Variants in CCSER1 observed in about 807,000 individuals in gnomAD.
The protein encoded by CCSER1 is coiled-coil serine rich protein 1, also known as serine-rich coiled-coil domain-containing protein 1.
Under a neutral mutation model 82.0 loss-of-function variants are expected in CCSER1, and 41 were observed. The ratio of observed to expected loss-of-function variants is 0.50; its 90% CI spans 0.39 to 0.65. The LOEUF (loss-of-function observed/expected upper bound fraction) is 0.65. CCSER1 is among the 30% of genes least tolerant of loss of function. The pLI is 0.00. For missense variants in CCSER1, 1,119 were observed against 1,064.2 expected (o/e 1.05, Z -0.72); for synonymous variants, 414 against 383.9 (o/e 1.08, Z -0.92).
intron 1 of CCSER1, among the ~76,000 whole-genome samples, chr4:90,192,840 A>G (rs1012456770): frequency 6.6e-6 from 1 of 152,074 alleles, no homozygotes; most frequent in African/African-American, 2.4e-5. Context: ...ACAATTTAAT[A>G]AAGTATGCCA....
intron 7 of CCSER1, chr4:90,727,445 A>T: frequency 2.8e-6 from 1 of 362,756 alleles, no homozygotes. Context: ...AACAAAATTG[A>T]TGTTGTTAAT....
chr4:91,151,584 C>T (rs2148954201), intron 10 of CCSER1, among the ~76,000 whole-genome samples: 1 of 152,296 alleles, frequency 6.6e-6, no homozygotes, highest in Non-Finnish European at 1.5e-5. Context: ...AATTTTAGAT[C>T]TTCCCTGCTT....
intron 1 of CCSER1, among the ~76,000 whole-genome samples, chr4:90,265,864 C>T (rs1487018764): frequency 1.3e-5 from 2 of 152,070 alleles, no homozygotes; most frequent in Non-Finnish European, 1.5e-5. Context: ...CATCCTGAGA[C>T]TCTGCTTAAA....
chr4:91,121,631 A>G (rs752283336), intron 10 of CCSER1, among the ~76,000 whole-genome samples: 1 of 151,688 alleles, frequency 6.6e-6, no homozygotes, highest in Non-Finnish European at 1.5e-5. Context: ...TTAACTTAGT[A>G]TCTAATCATA....
intron 10 of CCSER1, among the ~76,000 whole-genome samples, chr4:91,451,926 A>G (rs1057158979): frequency 3.9e-5 from 6 of 152,002 alleles, no homozygotes; most frequent in African/African-American, 1.2e-4. Context: ...AGCTGGTCCA[A>G]TGTGATCCAA....
chr4:91,130,639 G>T (rs1273836049), intron 10 of CCSER1, among the ~76,000 whole-genome samples: 1 of 151,702 alleles, frequency 6.6e-6, no homozygotes, highest in Non-Finnish European at 1.5e-5. Flanking sequence ...TATATTTGAT[G>T]ATCTCAATTA....
At position 91,170,044 on chromosome 4, in the gene CCSER1, T is replaced by A. The variant is rs569370810; in HGVS notation, c.2217+84050T>A. Among the ~76,000 whole-genome samples, 6 of 152,322 alleles carry A rather than the reference T, an allele frequency of 3.9e-5. No individual in the cohort carries two copies. The East Asian group carries it at 1.2e-3, about 29-fold the overall frequency. ...TGACCTGTGTCCTTTTTGACTTTCATATATCCATCTGCTTCTGTAGGAAGC... is the reference window on the plus strand; with the variant it reads ...TGACCTGTGTCCTTTTTGACTTTCAAATATCCATCTGCTTCTGTAGGAAGC... On this transcript the variant is annotated intron_variant, in intron 10 of 10. Transcript: ENST00000509176.
intron 9 of CCSER1, among the ~76,000 whole-genome samples, chr4:90,959,017 T>C (rs1311499904): frequency 1.3e-5 from 2 of 152,212 alleles, no homozygotes; most frequent in African/African-American, 2.4e-5. Context: ...AGGTTACCAG[T>C]AACACGTTAA....
At chr4:90,767,854 T>C (rs958494015) in intron 7 of CCSER1, among the ~76,000 whole-genome samples, 2 of 151,966 alleles carry the variant, frequency 1.3e-5, no homozygotes, top group Non-Finnish European at 2.9e-5. Context: ...TTTTTTGCCA[T>C]GTTGCCCAGG....
At position 91,603,769 on chromosome 4, in the gene CCSER1, G is replaced by A. The variant is rs1001463664; in HGVS notation, c.*4712G>A. ...GGGTGACTAAACAACAGTCACTTGTGTCTCAAGTTCTGGAGGCTAGGAAGT... is the reference window on the plus strand; with the variant it reads ...GGGTGACTAAACAACAGTCACTTGTATCTCAAGTTCTGGAGGCTAGGAAGT... On this transcript the variant is annotated 3_prime_UTR_variant, in exon 11 of 11. Coordinates refer to ENST00000509176, the MANE Select transcript of CCSER1 (RefSeq NM_001145065.2). 3.9e-5 allele frequency: 6 copies of A among 152,038 alleles called. No individual in the cohort carries two copies. The highest frequency in any genetic ancestry group is 1.2e-4 in the African/African-American group (5 of 41,420). The allele number at this position is 152,038 out of a possible 1,614,324, so 9.4% of individuals were successfully genotyped here. A position where few individuals can be genotyped will look rare whatever the true frequency, so the allele number is the denominator to read the frequency against.
intron 1 of CCSER1, among the ~76,000 whole-genome samples, chr4:90,221,850 A>G (rs1035600931): frequency 6.6e-6 from 1 of 152,166 alleles, no homozygotes; most frequent in African/African-American, 2.4e-5. Flanking sequence ...TGTTTTGCCT[A>G]CATTACATAT....
intron 10 of CCSER1, among the ~76,000 whole-genome samples, chr4:91,309,913 T>A (rs1197284369): frequency 6.6e-6 from 1 of 151,932 alleles, no homozygotes; most frequent in Non-Finnish European, 1.5e-5. Flanking sequence ...CTCAGATTTC[T>A]GAAGGCTAGA....
chr4:90,825,779 G>A (rs1760354219), intron 8 of CCSER1, among the ~76,000 whole-genome samples: 1 of 149,310 alleles, frequency 6.7e-6, no homozygotes, highest in South Asian at 2.1e-4. Flanking sequence ...CACCAGACTG[G>A]AGTGTAGGGG....
intron 5 of CCSER1, among the ~76,000 whole-genome samples, chr4:90,566,123 G>A (rs939201558): frequency 6.6e-6 from 1 of 151,354 alleles, no homozygotes; most frequent in Non-Finnish European, 1.5e-5. Flanking sequence ...CTCCCAAAGT[G>A]CTGGGATTAC....
intron 1 of CCSER1, among the ~76,000 whole-genome samples, chr4:90,271,862 ATTTTTTTTTTTTTTTTTT>A (rs1176154331): frequency 3.2e-4 from 7 of 21,746 alleles, no homozygotes; most frequent in African/African-American, 1.5e-3. Flanking sequence ...ATATATATAT[ATTTTTTTTTTTTTTTTTT>A]TTTTTTTTTT....
chr4:90,553,690 G>A (rs1029420512), intron 5 of CCSER1, among the ~76,000 whole-genome samples: 3 of 152,014 alleles, frequency 2.0e-5, no homozygotes, highest in African/African-American at 7.2e-5. Flanking sequence ...ATTTTACTTT[G>A]TTATCTCAAT....
intron 3 of CCSER1, among the ~76,000 whole-genome samples, chr4:90,398,536 C>G (rs1012108024): frequency 5.9e-5 from 9 of 152,116 alleles, no homozygotes; most frequent in African/African-American, 1.4e-4. Context: ...CTTTAAAAAG[C>G]TTTTCCTTTT....
At chr4:90,419,660 A>G (rs12645541) in intron 4 of CCSER1, among the ~76,000 whole-genome samples, 16,351 of 151,902 alleles carry the variant, frequency 0.11, 1,265 homozygotes, top group East Asian at 0.36. Flanking sequence ...AGCAGCAGGG[A>G]ATGAAGTATT....
chr4:90,896,572 T>TG (rs1357775862), intron 8 of CCSER1, among the ~76,000 whole-genome samples: 8 of 152,040 alleles, frequency 5.3e-5, no homozygotes, highest in Admixed American at 1.3e-4. Context: ...TACATACAGC[T>TG]GGTAATATTC....
Sources: allele counts gnomAD v4.1 joint callset (sites outside exome capture counted in the v4.1 genomes callset), GRCh38; gene constraint gnomAD v4.1.1; transcripts MANE v1.5; gene names NCBI Gene and HGNC (gene_info 2026-07-23, HGNC 2026-07-21).